Variants in CSMD1 observed in about 807,000 individuals in gnomAD.
The protein encoded by CSMD1 is CUB and Sushi multiple domains 1, also known as CUB and sushi domain-containing protein 1.
In CSMD1, 213 loss-of-function variants were observed where a neutral mutation model predicts 417.5. The ratio of observed to expected loss-of-function variants is 0.51; its 90% CI spans 0.46 to 0.57. CSMD1 has a LOEUF of 0.57. Among genes scored for constraint, CSMD1 ranks in the 20% least tolerant of loss-of-function variants. CSMD1 has a pLI of 0.00. For missense variants in CSMD1, 6,923 were observed against 4,529.7 expected, an observed-to-expected ratio of 1.53 and a Z score of -15.17; for synonymous variants, 2,862 against 1,736.8, an observed-to-expected ratio of 1.65 and a Z score of -16.11.
intron 1 of CSMD1, among the ~76,000 whole-genome samples, chr8:4,977,537 G>T (rs1401761712): frequency 6.6e-6 from 1 of 152,162 alleles, no homozygotes; most frequent in African/African-American, 2.4e-5. Context: ...CTCCCTTTGA[G>T]AGGGAACACA....
chr8:4,704,198 G>T (rs765679168), intron 1 of CSMD1, among the ~76,000 whole-genome samples: 4 of 152,154 alleles, frequency 2.6e-5, no homozygotes, highest in Admixed American at 6.5e-5. Flanking sequence ...AATTTAATAC[G>T]CTGGTAGCAC....
At chr8:4,591,204 G>T (rs1799966218) in intron 2 of CSMD1, among the ~76,000 whole-genome samples, 1 of 152,200 alleles carries the variant, frequency 6.6e-6, no homozygotes, top group Non-Finnish European at 1.5e-5. Flanking sequence ...GCTGAGTAAA[G>T]ATGAAGATGA....
intron 3 of CSMD1, among the ~76,000 whole-genome samples, chr8:4,368,986 A>G (rs543808210): frequency 6.6e-6 from 1 of 152,060 alleles, no homozygotes; most frequent in East Asian, 1.9e-4. Context: ...ATTTTCTGCT[A>G]TGTTTGGGGA....
intron 4 of CSMD1, among the ~76,000 whole-genome samples, chr8:4,000,103 C>T (rs765671696): frequency 1.3e-5 from 2 of 152,234 alleles, no homozygotes; most frequent in Non-Finnish European, 2.9e-5. Flanking sequence ...CTGTCCTGCC[C>T]CCCGCCCTCC....
At chr8:4,033,962 G>C (rs143157846) in intron 3 of CSMD1, among the ~76,000 whole-genome samples, 1,758 of 152,206 alleles carry the variant, frequency 0.012, 31 homozygotes, top group African/African-American at 0.039. Context: ...CTGCTATTTA[G>C]TATTCAAGTA....
At chr8:3,166,529 A>G (rs1478656013) in intron 37 of CSMD1, among the ~76,000 whole-genome samples, 1 of 152,116 alleles carries the variant, frequency 6.6e-6, no homozygotes, top group African/African-American at 2.4e-5. Flanking sequence ...GCGAGACTCC[A>G]TCTCAAAAAA....
At chr8:4,742,780 G>A (rs1394153432) in intron 1 of CSMD1, among the ~76,000 whole-genome samples, 1 of 152,100 alleles carries the variant, frequency 6.6e-6, no homozygotes, top group Non-Finnish European at 1.5e-5. Context: ...TGTCAGAAAT[G>A]CTAAAAGCCC....
chr8:4,088,216 C>T (rs915910788), intron 3 of CSMD1, among the ~76,000 whole-genome samples: 2 of 152,200 alleles, frequency 1.3e-5, no homozygotes, highest in Admixed American at 1.3e-4. Flanking sequence ...GATGACTGAT[C>T]TCTGCCTTCC....
At chr8:3,671,975 G>C (rs1489702268) in intron 7 of CSMD1, among the ~76,000 whole-genome samples, 1 of 152,102 alleles carries the variant, frequency 6.6e-6, no homozygotes, top group Non-Finnish European at 1.5e-5. Flanking sequence ...GTTTCGATAT[G>C]TTGCAATACT....
intron 5 of CSMD1, among the ~76,000 whole-genome samples, chr8:3,800,267 G>C (rs1235083483): frequency 6.6e-6 from 1 of 152,032 alleles, no homozygotes; most frequent in Non-Finnish European, 1.5e-5. Context: ...TATATATTGG[G>C]AATACAAGAA....
chr8:3,982,329 C>G (rs1023629093), intron 5 of CSMD1, among the ~76,000 whole-genome samples: 1 of 151,754 alleles, frequency 6.6e-6, no homozygotes, highest in African/African-American at 2.4e-5. Context: ...TCCTTCTCTG[C>G]CTCAATATTC....
intron 5 of CSMD1, among the ~76,000 whole-genome samples, chr8:3,804,304 T>C (rs976503638): frequency 1.3e-5 from 2 of 152,290 alleles, no homozygotes; most frequent in South Asian, 4.1e-4. Context: ...AAATAATTTT[T>C]TTTGTGCTGA....
Position 3,187,860 on chromosome 8 carries a change from C to A in CSMD1, c.5620+9G>T. 6.2e-7 allele frequency: 1 copy of A among 1,608,050 alleles called. No homozygotes were observed. Among genetic ancestry groups the A allele is most frequent in the Non-Finnish European group, 8.5e-7 (1 of 1,175,590 alleles). On this transcript the variant is annotated intron_variant, in intron 36 of 69. Coordinates refer to ENST00000635120, the MANE Select transcript of CSMD1 (RefSeq NM_033225.6). ...AGTCACACAGGTGAGGAAATTGACT[C>A]CATCTTACCTGAGAAGCTTCCCAGT...
intron 50 of CSMD1, among the ~76,000 whole-genome samples, chr8:3,042,183 C>T (rs1384697352): frequency 6.6e-6 from 1 of 152,160 alleles, no homozygotes; most frequent in Admixed American, 6.5e-5. Flanking sequence ...ACCAAACTGA[C>T]TTTTTGGCCT....
chr8:3,557,904 C>T (rs775090346), intron 10 of CSMD1, among the ~76,000 whole-genome samples: 57 of 152,058 alleles, frequency 3.7e-4, no homozygotes, highest in Admixed American at 1.4e-3. Context: ...ATAAGTTATA[C>T]GGTCAACTCC....
rs552173725 is a variant in CSMD1 at position 3,369,172 on chromosome 8, A to G, written c.2899+82T>C. 34 of 666,074 alleles carry G rather than the reference A, an allele frequency of 5.1e-5. No individual in the cohort carries two copies. The African/African-American group carries it at 5.2e-4, about 10-fold the overall frequency. The allele number at this position is 666,074 out of a possible 1,614,324, so 41.3% of individuals were successfully genotyped here. A position where few individuals can be genotyped will look rare whatever the true frequency, so the allele number is the denominator to read the frequency against. ...AAAAGTAGTTATCTCACTTGTTTAC[A>G]CCGTAATATGTTTTTGTTTTGTTCC... is the stretch of plus-strand genomic sequence containing the variant. On this transcript the variant is annotated intron_variant, in intron 19 of 69. Transcript: ENST00000635120.
intron 10 of CSMD1, among the ~76,000 whole-genome samples, chr8:3,557,869 A>T (rs916183294): frequency 6.6e-6 from 1 of 152,196 alleles, no homozygotes; most frequent in South Asian, 2.1e-4. Context: ...TAATAATGCC[A>T]TTGGTTCAGC....
At chr8:4,034,417 T>C (rs185570867) in intron 3 of CSMD1, among the ~76,000 whole-genome samples, 12 of 152,254 alleles carry the variant, frequency 7.9e-5, no homozygotes, top group Non-Finnish European at 1.8e-4. Context: ...AATAGTTCAC[T>C]ATTGTCTGCA....
chr8:4,496,940 G>C (rs1481980666), intron 2 of CSMD1, among the ~76,000 whole-genome samples: 1 of 152,160 alleles, frequency 6.6e-6, no homozygotes, highest in Non-Finnish European at 1.5e-5. Context: ...ACAGAGGCTG[G>C]AGGAAGCAAA....
Sources: gnomAD v4.1 joint callset for allele counts (sites outside exome capture counted in the v4.1 genomes callset) on GRCh38, gnomAD v4.1.1 for gene constraint, MANE v1.5 for transcripts, NCBI Gene and HGNC (gene_info 2026-07-23, HGNC 2026-07-21) for gene names.